SMIM35: variants seen among roughly 807,000 people sequenced by gnomAD.
The protein encoded by SMIM35 is TMPRSS4 antisense RNA 1 (non-protein coding).
intron 1 of SMIM35, among the ~76,000 whole-genome samples, chr11:118,039,668 C>A (rs1943967844): frequency 1.3e-5 from 2 of 151,910 alleles, no homozygotes; most frequent in Admixed American, 1.3e-4. Flanking sequence ...CATGACCACA[C>A]CACTGCACTC....
At chr11:118,024,857 T>C (rs911747969) in intron 1 of SMIM35, among the ~76,000 whole-genome samples, 3 of 152,168 alleles carry the variant, frequency 2.0e-5, no homozygotes, top group Admixed American at 6.5e-5. Context: ...GGGATACAAA[T>C]GATCCCATTA....
intron 1 of SMIM35, 98 bp from the exon 2 acceptor site, chr11:118,015,907 C>T (rs185051991): frequency 6.7e-4 from 266 of 398,712 alleles, no homozygotes; most frequent in African/African-American, 5.0e-3. Flanking sequence ...TGCCTACCAA[C>T]ATAACTGTCC....
In SMIM35 at chr11:118,021,113, G is replaced by A. The variant is rs545715588; in HGVS notation, c.8-5304C>T. ...GAATTATGGCTGGTATAAGAAAAGA[G>A]TAACAGTTAATTTAATTTTAATACT... is the stretch of plus-strand genomic sequence containing the variant. On this transcript the variant is annotated intron_variant, in intron 1 of 4. Transcript: ENST00000689828. 2.6e-5 allele frequency among the ~76,000 whole-genome samples: 4 copies of A among 151,444 alleles called. No homozygotes were observed. In the East Asian group the frequency reaches 5.9e-4, roughly 22 times the overall value.
intron 1 of SMIM35, among the ~76,000 whole-genome samples, chr11:118,063,383 CTG>C (rs1944421711): frequency 1.3e-5 from 2 of 152,148 alleles, no homozygotes; most frequent in African/African-American, 4.8e-5. Context: ...TTTCTGTTTA[CTG>C]TCTCTCTCGT....
At chr11:118,060,370 C>A (rs1944376760) in intron 1 of SMIM35, among the ~76,000 whole-genome samples, 1 of 152,230 alleles carries the variant, frequency 6.6e-6, no homozygotes, top group African/African-American at 2.4e-5. Flanking sequence ...ACACCTCTTG[C>A]AATTATAATA....
chr11:118,029,148 AG>A lies in SMIM35; in HGVS notation c.8-13340del, dbSNP rs375624240. On this transcript the variant is annotated intron_variant, in intron 1 of 4. Transcript: ENST00000689828. The stretch of plus-strand genomic sequence containing the variant: ...AAAACCGAATGCAAAAGAGGGACAA[AG>A]ATTCTGACCTACAATAAAATGTTAC... 1.3e-3 allele frequency among the ~76,000 whole-genome samples: 191 copies of A among 152,310 alleles called. 5 individuals are homozygous for A. In the South Asian group the frequency reaches 0.039, roughly 31 times the overall value.
intron 1 of SMIM35, chr11:118,029,604 T>C (rs902903033): frequency 2.2e-6 from 1 of 456,616 alleles, no homozygotes; most frequent in Non-Finnish European, 4.4e-6. Flanking sequence ...CTTATTGTCA[T>C]ATCACTGTCA....
At chr11:118,073,274 G>T (rs972784007) in intron 1 of SMIM35, among the ~76,000 whole-genome samples, 1 of 152,200 alleles carries the variant, frequency 6.6e-6, no homozygotes, top group Non-Finnish European at 1.5e-5. Context: ...ACCCTATGAG[G>T]TCAGAAGTAT....
intron 1 of SMIM35, among the ~76,000 whole-genome samples, chr11:118,023,745 T>C (rs561807583): frequency 1.3e-5 from 2 of 151,878 alleles, no homozygotes; most frequent in South Asian, 4.2e-4. Flanking sequence ...ATAAAACAAA[T>C]GAAAAAGCTG....
chr11:118,082,224 T>C (rs1270134619), intron 1 of SMIM35, among the ~76,000 whole-genome samples: 1 of 152,352 alleles, frequency 6.6e-6, no homozygotes, highest in East Asian at 1.9e-4. Context: ...TTCAGTCTAA[T>C]ACAACTCTCT....
At chr11:118,059,057 T>G (rs1944358228) in intron 1 of SMIM35, 2 of 152,312 alleles carry the variant, frequency 1.3e-5, no homozygotes, top group South Asian at 2.1e-4. Flanking sequence ...CTTGGGTTTG[T>G]CCCACACTGG....
At chr11:118,058,215 C>G (rs908990589) in intron 1 of SMIM35, among the ~76,000 whole-genome samples, 1 of 152,080 alleles carries the variant, frequency 6.6e-6, no homozygotes, top group Admixed American at 6.6e-5. Flanking sequence ...GAGCAGGGTC[C>G]CTGAAGCGGA....
intron 1 of SMIM35, among the ~76,000 whole-genome samples, chr11:118,021,050 T>TC (rs1009899091): frequency 7.3e-5 from 11 of 151,632 alleles, no homozygotes; most frequent in Admixed American, 7.2e-4. Flanking sequence ...GGGTAAGGTT[T>TC]TTTTTTTTAC....
In SMIM35 at chr11:118,003,636, T is replaced by G. The variant is rs1485393530; in HGVS notation, c.*2774A>C. 6.6e-6 allele frequency: 1 copy of G among 151,608 alleles called. No homozygotes were observed. Among genetic ancestry groups the G allele is most frequent in the Admixed American group, 6.6e-5 (1 of 15,230 alleles). The allele number at this position is 151,608 out of a possible 1,614,324, so 9.4% of individuals were successfully genotyped here. On this transcript the variant is annotated 3_prime_UTR_variant, in exon 5 of 5. Transcript: ENST00000689828. The stretch of plus-strand genomic sequence containing the variant: ...GGATGGGGCAGGAGGCAAAGAGACC[T>G]GGCTGGAGACTTTTATTGTAGTCAG...
intron 1 of SMIM35, among the ~76,000 whole-genome samples, chr11:118,037,276 G>T (rs1386482455): frequency 1.3e-5 from 2 of 152,188 alleles, no homozygotes; most frequent in African/African-American, 2.4e-5. Context: ...CCGGTCCAGG[G>T]GTCCATGGAC....
chr11:118,048,568 A>T (rs1326783282), intron 1 of SMIM35, among the ~76,000 whole-genome samples: 1 of 80,122 alleles, frequency 1.2e-5, no homozygotes, highest in Admixed American at 1.3e-4. Context: ...GAAGGAAGGA[A>T]GGAAGGAAGG....
At chr11:118,077,303 A>G in intron 1 of SMIM35, 1 of 1,602,274 alleles carries the variant, frequency 6.2e-7, no homozygotes, top group East Asian at 2.3e-5. Context: ...CAGAGCCAGC[A>G]TGGTGAGTGT....
chr11:118,045,570 T>C (rs887683193), intron 1 of SMIM35, among the ~76,000 whole-genome samples: 4 of 152,236 alleles, frequency 2.6e-5, no homozygotes, highest in African/African-American at 7.2e-5. Flanking sequence ...ACAGGTATCA[T>C]CAATTTCACA....
chr11:118,080,870 C>A (rs2135210367), intron 1 of SMIM35, among the ~76,000 whole-genome samples: 1 of 152,320 alleles, frequency 6.6e-6, no homozygotes, highest in East Asian at 1.9e-4. Flanking sequence ...TTCCTTCCTG[C>A]TCAGGTGAAA....
Sources: allele counts gnomAD v4.1 joint callset (sites outside exome capture counted in the v4.1 genomes callset), GRCh38; gene constraint gnomAD v4.1.1; transcripts MANE v1.5; gene names NCBI Gene and HGNC (gene_info 2026-07-23, HGNC 2026-07-21).